Variants in BTRC observed in about 807,000 individuals in gnomAD.
BTRC encodes F-box/WD repeat-containing protein 1A.
Under a neutral mutation model 85.5 loss-of-function variants are expected in BTRC, and 42 were observed. The observed-to-expected ratio is 0.49, with a 90% CI of 0.38 to 0.64. BTRC has a LOEUF of 0.64. Ranked by LOEUF, BTRC falls within the 30% of genes least tolerant of loss-of-function variation. The probability of loss-of-function intolerance (pLI) is 0.00; values close to 1 mark genes in which losing one functional copy is unlikely to be tolerated. For missense variants in BTRC, 594 were observed against 743.5 expected (o/e 0.80, Z 2.34); for synonymous variants, 255 against 263.3 (o/e 0.97, Z 0.30).
intron 3 of BTRC, among the ~76,000 whole-genome samples, chr10:101,476,157 T>G (rs1339898651): frequency 1.3e-5 from 2 of 151,708 alleles, no homozygotes; most frequent in East Asian, 3.9e-4. Flanking sequence ...CAAACCCAAC[T>G]TGAGGCACAG....
intron 4 of BTRC, among the ~76,000 whole-genome samples, chr10:101,487,509 T>G (rs1946019962): frequency 6.6e-6 from 1 of 152,220 alleles, no homozygotes; most frequent in Admixed American, 6.5e-5. Context: ...AATGGCTGAT[T>G]TTCATGGCTT....
intron 4 of BTRC, among the ~76,000 whole-genome samples, chr10:101,514,947 G>C (rs2062003714): frequency 6.6e-6 from 1 of 151,902 alleles, no homozygotes; most frequent in African/African-American, 2.4e-5. Flanking sequence ...GGTTTTTTAG[G>C]GTTTTGTTTG....
chr10:101,454,411 T>G (rs1364946535), intron 2 of BTRC, among the ~76,000 whole-genome samples: 1 of 152,198 alleles, frequency 6.6e-6, no homozygotes, highest in Non-Finnish European at 1.5e-5. Flanking sequence ...TAAACCTCAT[T>G]TTAAGAATGT....
chr10:101,548,786 A>G (rs2062599515), intron 13 of BTRC, among the ~76,000 whole-genome samples: 1 of 151,198 alleles, frequency 6.6e-6, no homozygotes, highest in Non-Finnish European at 1.5e-5. Flanking sequence ...TGGGCACAGT[A>G]GCTAAGGCCT....
At chr10:101,509,542 C>T (rs1946640850) in intron 4 of BTRC, among the ~76,000 whole-genome samples, 1 of 149,300 alleles carries the variant, frequency 6.7e-6, no homozygotes, top group Non-Finnish European at 1.5e-5. Flanking sequence ...GCGTGAGCCA[C>T]CGCGCCCAGC....
At chr10:101,530,678 C>T (rs2062266817) in intron 6 of BTRC, among the ~76,000 whole-genome samples, 2 of 152,104 alleles carry the variant, frequency 1.3e-5, no homozygotes, top group Admixed American at 6.5e-5. Context: ...AGGCTTGGTA[C>T]TCCGATGTTC....
chr10:101,459,213 G>C (rs754867077), intron 2 of BTRC, among the ~76,000 whole-genome samples: 2 of 152,152 alleles, frequency 1.3e-5, no homozygotes, highest in Non-Finnish European at 2.9e-5. Context: ...TATGCACATA[G>C]CTTATTGGGA....
chr10:101,532,741 T>G (rs568411863), intron 8 of BTRC, among the ~76,000 whole-genome samples: 84 of 147,546 alleles, frequency 5.7e-4, no homozygotes, highest in African/African-American at 1.9e-3. Context: ...GCATTAGTAC[T>G]GAAGCTATAT....
At chr10:101,388,735 C>T (rs1943149741) in intron 1 of BTRC, among the ~76,000 whole-genome samples, 1 of 152,174 alleles carries the variant, frequency 6.6e-6, no homozygotes, top group African/African-American at 2.4e-5. Flanking sequence ...AAGCAATCTG[C>T]CCACCTCAGC....
chr10:101,404,687 C>T (rs1173469557), intron 1 of BTRC, among the ~76,000 whole-genome samples: 1 of 151,970 alleles, frequency 6.6e-6, no homozygotes, highest in Non-Finnish European at 1.5e-5. Context: ...GATAGTCCAT[C>T]TTGTAGTTCA....
At chr10:101,389,124 T>G (rs1430446021) in intron 1 of BTRC, among the ~76,000 whole-genome samples, 1 of 131,176 alleles carries the variant, frequency 7.6e-6, no homozygotes, top group South Asian at 2.6e-4. Flanking sequence ...TGTGTGTTTT[T>G]TTTTTTTTTT....
chr10:101,496,772 T>C (rs1946272561), intron 4 of BTRC, among the ~76,000 whole-genome samples: 1 of 152,200 alleles, frequency 6.6e-6, no homozygotes, highest in African/African-American at 2.4e-5. Context: ...ATTTGCCCTT[T>C]TTTTAATTGG....
intron 1 of BTRC, among the ~76,000 whole-genome samples, chr10:101,405,126 G>A (rs779007541): frequency 1.3e-5 from 2 of 151,464 alleles, no homozygotes; most frequent in African/African-American, 4.9e-5. Context: ...TCCTCCCTCT[G>A]TACAATCTCC....
chr10:101,421,732 T>C (rs1056827578), intron 1 of BTRC, among the ~76,000 whole-genome samples: 1 of 151,228 alleles, frequency 6.6e-6, no homozygotes. Flanking sequence ...TTTGGTTTTT[T>C]GTCCTTGTGA....
chr10:101,541,095 CT>C (rs35814606), intron 13 of BTRC, among the ~76,000 whole-genome samples: 199 of 146,462 alleles, frequency 1.4e-3, no homozygotes, highest in African/African-American at 3.8e-3. Context: ...CTCTCTCCCT[CT>C]TTTTTTTTTT....
At chr10:101,471,578 T>C (rs936127039) in intron 3 of BTRC, among the ~76,000 whole-genome samples, 61 of 152,290 alleles carry the variant, frequency 4.0e-4, no homozygotes, top group African/African-American at 1.4e-3. Context: ...ATCAGAGTTA[T>C]GCTGGTCTTA....
intron 4 of BTRC, among the ~76,000 whole-genome samples, chr10:101,489,483 A>G (rs918381086): frequency 6.6e-6 from 1 of 152,166 alleles, no homozygotes; most frequent in Admixed American, 6.5e-5. Context: ...TCAAAAGCCT[A>G]GGTTCATAAG....
rs533636734 is a variant in BTRC at position 101,474,414 on chromosome 10, A to G, written c.235-4954A>G. 2.6e-5 allele frequency among the ~76,000 whole-genome samples: 4 copies of G among 152,282 alleles called. No homozygotes were observed. In the South Asian group the frequency reaches 8.3e-4, roughly 32 times the overall value. On this transcript the variant is annotated intron_variant, in intron 3 of 14. Coordinates refer to ENST00000370187, the MANE Select transcript of BTRC (RefSeq NM_033637.4). The stretch of plus-strand genomic sequence containing the variant: ...GATGTTATTACATCCCTCTAACTTG[A>G]TAGAAGTCAAACTCTAAACTCTTTC...
At chr10:101,365,471 T>A (rs887756298) in intron 1 of BTRC, among the ~76,000 whole-genome samples, 1 of 151,728 alleles carries the variant, frequency 6.6e-6, no homozygotes, top group African/African-American at 2.4e-5. Flanking sequence ...AAAAATTTTT[T>A]ATTTTTATTT....
Sources: allele counts gnomAD v4.1 joint callset (sites outside exome capture counted in the v4.1 genomes callset), GRCh38; gene constraint gnomAD v4.1.1; transcripts MANE v1.5; gene names NCBI Gene and HGNC (gene_info 2026-07-23, HGNC 2026-07-21).